Variants in ANKFN1 observed in about 807,000 individuals in gnomAD.
The protein encoded by ANKFN1 is ankyrin repeat and fibronectin type III domain containing 1.
Under a neutral mutation model 108.7 loss-of-function variants are expected in ANKFN1, and 74 were observed. The ratio of observed to expected loss-of-function variants is 0.68; its 90% CI spans 0.56 to 0.83. ANKFN1 has a LOEUF of 0.83. Ranked by LOEUF, ANKFN1 falls within the 40% of genes least tolerant of loss-of-function variation. ANKFN1 has a pLI of 0.00. For missense variants in ANKFN1, 1,505 were observed against 1,382.3 expected (o/e 1.09, Z -1.41); for synonymous variants, 547 against 516.2 (o/e 1.06, Z -0.81).
intron 16 of ANKFN1, among the ~76,000 whole-genome samples, chr17:56,480,050 G>A (rs1234844126): frequency 6.6e-6 from 1 of 152,224 alleles, no homozygotes; most frequent in African/African-American, 2.4e-5. Context: ...CATTAGGAAG[G>A]ATTATAGAGC....
At chr17:56,381,178 G>C (rs902317950) in intron 8 of ANKFN1, among the ~76,000 whole-genome samples, 5 of 152,184 alleles carry the variant, frequency 3.3e-5, no homozygotes, top group African/African-American at 9.7e-5. Flanking sequence ...AGGCAGACAG[G>C]GTCTGGAGTG....
intron 4 of ANKFN1, chr17:56,111,152 G>C (rs1482348206): frequency 6.6e-6 from 1 of 152,538 alleles, no homozygotes; most frequent in African/African-American, 2.4e-5. Context: ...TTTCAAACTT[G>C]AATGGAAATC....
At chr17:56,436,508 A>G (rs1294007661) in intron 8 of ANKFN1, among the ~76,000 whole-genome samples, 1 of 152,228 alleles carries the variant, frequency 6.6e-6, no homozygotes, top group Non-Finnish European at 1.5e-5. Context: ...CAAAGAGAAC[A>G]TTCTGAGTTA....
At chr17:56,501,972 G>T (rs1339046800) in intron 20 of ANKFN1, among the ~76,000 whole-genome samples, 1 of 152,164 alleles carries the variant, frequency 6.6e-6, no homozygotes, top group Non-Finnish European at 1.5e-5. Context: ...GCTAATCAGG[G>T]ATTAAATGAG....
At chr17:56,483,702 G>T (rs958361059) in intron 18 of ANKFN1, among the ~76,000 whole-genome samples, 1 of 152,082 alleles carries the variant, frequency 6.6e-6, no homozygotes, top group African/African-American at 2.4e-5. Context: ...AATCACATTG[G>T]CCATACCACT....
chr17:56,159,061 A>C (rs1909387716), intron 1 of ANKFN1, among the ~76,000 whole-genome samples: 2 of 149,332 alleles, frequency 1.3e-5, no homozygotes, highest in African/African-American at 4.9e-5. Context: ...AAAAAGCAGA[A>C]GAAGAAGAAA....
chr17:56,224,983 C>T (rs1192578581), intron 2 of ANKFN1: 2 of 152,224 alleles, frequency 1.3e-5, no homozygotes, highest in Non-Finnish European at 2.9e-5. Context: ...CCGGGATGTA[C>T]CTCACATCTC....
intron 8 of ANKFN1, among the ~76,000 whole-genome samples, chr17:56,391,207 G>C (rs1217860685): frequency 9.4e-6 from 1 of 105,892 alleles, no homozygotes; most frequent in African/African-American, 5.5e-5. Context: ...GAAGGCCCAA[G>C]AATACATATA....
intron 3 of ANKFN1, among the ~76,000 whole-genome samples, chr17:56,324,260 T>C (rs1418611581): frequency 6.6e-6 from 1 of 152,154 alleles, no homozygotes; most frequent in Non-Finnish European, 1.5e-5. Flanking sequence ...ATCAATAGGC[T>C]CTAAGTAACG....
At chr17:56,079,992 A>G (rs538981456) in intron 4 of ANKFN1, among the ~76,000 whole-genome samples, 1 of 152,348 alleles carries the variant, frequency 6.6e-6, no homozygotes, top group South Asian at 2.1e-4. Context: ...GGCAAGTCAC[A>G]AAAGCGGAGA....
intron 8 of ANKFN1, among the ~76,000 whole-genome samples, chr17:56,410,179 A>C (rs940055921): frequency 6.6e-6 from 1 of 152,126 alleles, no homozygotes; most frequent in African/African-American, 2.4e-5. Context: ...TCCACCTCCC[A>C]GGTTCAAGTG....
chr17:56,267,910 T>A (rs999535676), intron 3 of ANKFN1, among the ~76,000 whole-genome samples: 2 of 152,168 alleles, frequency 1.3e-5, no homozygotes, highest in Non-Finnish European at 2.9e-5. Context: ...TTTTAGAATT[T>A]TTTTTCCTAA....
intron 15 of ANKFN1, 59 bp from the exon 16 acceptor site, chr17:56,477,429 G>C (rs12103627): frequency 0.026 from 37,118 of 1,450,794 alleles, 1,183 homozygotes; most frequent in African/African-American, 0.15. Flanking sequence ...AAAAGGTTTT[G>C]AGATTGCCCT....
intron 4 of ANKFN1, among the ~76,000 whole-genome samples, chr17:56,104,044 A>G (rs1220169507): frequency 1.3e-5 from 2 of 152,220 alleles, no homozygotes; most frequent in Non-Finnish European, 2.9e-5. Flanking sequence ...CTATGAGCAG[A>G]GCAAGCCATT....
chr17:56,357,512 A>G (rs1437001947), intron 6 of ANKFN1, among the ~76,000 whole-genome samples: 1 of 152,158 alleles, frequency 6.6e-6, no homozygotes, highest in African/African-American at 2.4e-5. Flanking sequence ...GGGCCCCTGC[A>G]TCTCTCCCTT....
chr17:56,173,519 T>G (rs1278915843), intron 1 of ANKFN1, among the ~76,000 whole-genome samples: 1 of 152,116 alleles, frequency 6.6e-6, no homozygotes, highest in African/African-American at 2.4e-5. Context: ...CCCACAAGAA[T>G]AGAAATTATA....
intron 1 of ANKFN1, among the ~76,000 whole-genome samples, chr17:56,200,424 A>G (rs1223758861): frequency 6.6e-6 from 1 of 152,220 alleles, no homozygotes. Context: ...TGCTTCATCC[A>G]TAAAACAAGA....
intron 8 of ANKFN1, among the ~76,000 whole-genome samples, chr17:56,382,802 A>C (rs1187593850): frequency 6.6e-6 from 1 of 152,200 alleles, no homozygotes; most frequent in Non-Finnish European, 1.5e-5. Context: ...ATATGCACCC[A>C]ATACAGGAGC....
At chr17:56,292,600 A>G (rs1286188229) in intron 3 of ANKFN1, among the ~76,000 whole-genome samples, 1 of 152,174 alleles carries the variant, frequency 6.6e-6, no homozygotes, top group African/African-American at 2.4e-5. Context: ...CTTTTCTCCA[A>G]TACCAAACCA....
Sources: gnomAD v4.1 joint callset for allele counts (sites outside exome capture counted in the v4.1 genomes callset) on GRCh38, gnomAD v4.1.1 for gene constraint, MANE v1.5 for transcripts, NCBI Gene and HGNC (gene_info 2026-07-23, HGNC 2026-07-21) for gene names.